SH3KBP1: variants seen among roughly 807,000 people sequenced by gnomAD.
The protein encoded by SH3KBP1 is SH3 domain containing kinase binding protein 1, also known as SH3 domain-containing kinase-binding protein 1.
SH3KBP1 carries 8 observed loss-of-function variants against 50.1 expected under a neutral mutation model. The observed-to-expected ratio is 0.16, with a 90% CI of 0.09 to 0.29. The LOEUF is 0.29. Among genes scored for constraint, SH3KBP1 ranks in the 10% least tolerant of loss-of-function variants. The pLI, the probability that SH3KBP1 is intolerant of heterozygous loss-of-function variation, is 1.00. For missense variants in SH3KBP1, 377 were observed against 535.2 expected (o/e 0.70, Z 2.92); for synonymous variants, 227 against 218.6 (o/e 1.04, Z -0.34).
At chrX:19,538,120 C>T (rs1281285429) in intron 16 of SH3KBP1, among the ~76,000 whole-genome samples, 2 of 111,697 alleles carry the variant, frequency 1.8e-5, no homozygotes, top group Non-Finnish European at 3.8e-5. Context: ...CTTCACGTAA[C>T]CTGTCAGAAT....
intron 5 of SH3KBP1, among the ~76,000 whole-genome samples, chrX:19,695,239 A>G (rs1486277615): frequency 8.9e-6 from 1 of 111,737 alleles, no homozygotes; most frequent in African/African-American, 3.3e-5. Context: ...ATTTTTCTCC[A>G]AGTCCCTCAA....
Position 19,782,946 on chromosome X carries a change from G to GA in SH3KBP1, c.163-36506dup, listed in dbSNP as rs199991430. On this transcript the variant is annotated intron_variant, in intron 2 of 17. Transcript: ENST00000397821. ...CATGGCGAAACCCTGTCTACCAAGA[G>GA]AAAAAAAACAACAACAAAAATCAGC... Among the ~76,000 whole-genome samples the GA allele has an allele frequency of 2.4e-3, 264 of 109,880 alleles. 1 individual carries two copies. Among genetic ancestry groups the GA allele is most frequent in the African/African-American group, 8.1e-3 (245 of 30,093 alleles).
intron 2 of SH3KBP1, among the ~76,000 whole-genome samples, chrX:19,797,850 G>A (rs147190017): frequency 2.8e-5 from 3 of 107,876 alleles, no homozygotes; most frequent in Non-Finnish European, 3.8e-5. Flanking sequence ...AAAGCACATA[G>A]TACAGTTAAT....
chrX:19,691,352 C>CTATATA (rs1485474075), intron 5 of SH3KBP1, among the ~76,000 whole-genome samples: 7 of 89,422 alleles, frequency 7.8e-5, no homozygotes, highest in South Asian at 4.8e-4. Flanking sequence ...CTCTCTCTCT[C>CTATATA]TCTCTATATA....
intron 3 of SH3KBP1, among the ~76,000 whole-genome samples, chrX:19,731,549 G>A (rs941918526): frequency 4.5e-5 from 5 of 111,197 alleles, no homozygotes; most frequent in Non-Finnish European, 7.5e-5. Context: ...CTTATTCTAG[G>A]ATCCACTCTT....
Position 19,887,566 on chromosome X carries a change from C to A in SH3KBP1, c.-256G>T. 1.6e-5 allele frequency: 2 copies of A among 126,288 alleles called. No individual in the cohort carries two copies. Among genetic ancestry groups the A allele is most frequent in the South Asian group, 7.7e-4 (2 of 2,581 alleles). 10.4% of individuals were successfully genotyped at this position (126,288 alleles called of 1,213,427 possible). A position where few individuals can be genotyped will look rare whatever the true frequency, so the allele number is the denominator to read the frequency against. On this transcript the variant is annotated 5_prime_UTR_variant, in exon 1 of 18. Transcript: ENST00000397821. ...CATCGCGGCCCAATGCGCCCGGCTG[C>A]GCCGGGTTTCCTGCTCCCCGCGAGT... is the stretch of plus-strand genomic sequence containing the variant.
intron 13 of SH3KBP1, among the ~76,000 whole-genome samples, chrX:19,557,039 T>C (rs900342316): frequency 8.2e-4 from 92 of 111,581 alleles, no homozygotes; most frequent in Non-Finnish European, 1.6e-3. Flanking sequence ...ATGCTTCGCA[T>C]GCACACACCC....
At chrX:19,734,878 G>A (rs1448222234) in intron 3 of SH3KBP1, among the ~76,000 whole-genome samples, 1 of 112,287 alleles carries the variant, frequency 8.9e-6, no homozygotes, top group Admixed American at 9.4e-5. Flanking sequence ...ACTCCATTTT[G>A]TGTATAGACC....
Position 19,607,837 on chromosome X carries a change from T to C in SH3KBP1, c.1005+101A>G, listed in dbSNP as rs1667268807. 1.9e-5 allele frequency: 13 copies of C among 668,623 alleles called. No individual in the cohort carries two copies. The Admixed American group carries it at 3.4e-4, about 17-fold the overall frequency. The allele number at this position is 668,623 out of a possible 1,213,427, so 55.1% of individuals were successfully genotyped here. ...GCTCAGAATCTGGGTCTGTTGAATG[T>C]TCAAATGCCAGTGCTCTTCAACATT... is the stretch of plus-strand genomic sequence containing the variant. On this transcript the variant is annotated intron_variant, in intron 9 of 17. Transcript: ENST00000397821.
At chrX:19,659,331 T>C (rs2062391172) in intron 6 of SH3KBP1, among the ~76,000 whole-genome samples, 1 of 110,016 alleles carries the variant, frequency 9.1e-6, no homozygotes, top group South Asian at 3.9e-4. Flanking sequence ...GTCAGGCTGG[T>C]CTCGAACTCC....
intron 13 of SH3KBP1, among the ~76,000 whole-genome samples, chrX:19,567,518 C>CAAAA (rs869158450): frequency 1.4e-4 from 1 of 7,272 alleles, no homozygotes; most frequent in Non-Finnish European, 2.2e-4. Flanking sequence ...GACTCCATCT[C>CAAAA]AAAAAAAAAA....
At chrX:19,733,760 T>C (rs1377809280) in intron 3 of SH3KBP1, among the ~76,000 whole-genome samples, 1 of 109,700 alleles carries the variant, frequency 9.1e-6, no homozygotes, top group Non-Finnish European at 1.9e-5. Flanking sequence ...GACAAAGGAA[T>C]AGTACACCAA....
intron 1 of SH3KBP1, among the ~76,000 whole-genome samples, chrX:19,858,089 G>T (rs1452684258): frequency 9.0e-6 from 1 of 111,185 alleles, no homozygotes; most frequent in Non-Finnish European, 1.9e-5. Flanking sequence ...TGAGACAGGA[G>T]AATCACTTGA....
chrX:19,573,478 G>A (rs534840137), intron 12 of SH3KBP1, among the ~76,000 whole-genome samples: 2 of 86,676 alleles, frequency 2.3e-5, no homozygotes, highest in African/African-American at 7.1e-5. Flanking sequence ...GTAGAGACAG[G>A]GTTTCACCAT....
At chrX:19,638,056 G>A (rs528766720) in intron 7 of SH3KBP1, among the ~76,000 whole-genome samples, 16 of 106,366 alleles carry the variant, frequency 1.5e-4, no homozygotes, top group South Asian at 1.3e-3. Context: ...CAGCCTAGGC[G>A]ACACAGCAAA....
intron 8 of SH3KBP1, among the ~76,000 whole-genome samples, chrX:19,620,546 C>A (rs1354640746): frequency 1.8e-5 from 2 of 112,200 alleles, no homozygotes; most frequent in Non-Finnish European, 3.8e-5. Flanking sequence ...AAAGTCAAAT[C>A]CAGGCCCTCG....
chrX:19,651,061 C>T (rs995362679), intron 6 of SH3KBP1, among the ~76,000 whole-genome samples: 5 of 111,172 alleles, frequency 4.5e-5, no homozygotes, highest in African/African-American at 1.6e-4. Flanking sequence ...TTTATTTTTA[C>T]ATGTCCCCTT....
chrX:19,622,822 C>T (rs1449000991), intron 8 of SH3KBP1, among the ~76,000 whole-genome samples: 2 of 111,907 alleles, frequency 1.8e-5, no homozygotes, highest in Non-Finnish European at 3.8e-5. Flanking sequence ...GCAGGCGGAT[C>T]ACTTGAGGTC....
intron 2 of SH3KBP1, among the ~76,000 whole-genome samples, chrX:19,793,313 AATAT>A (rs777838672): frequency 1.0e-5 from 1 of 96,952 alleles, no homozygotes; most frequent in Admixed American, 1.1e-4. Context: ...AGGAAAAAAA[AATAT>A]ATATATATAT....
Sources: gnomAD v4.1 joint callset for allele counts (sites outside exome capture counted in the v4.1 genomes callset) on GRCh38, gnomAD v4.1.1 for gene constraint, MANE v1.5 for transcripts, NCBI Gene and HGNC (gene_info 2026-07-23, HGNC 2026-07-21) for gene names.